Variants in USP9X observed in about 807,000 individuals in gnomAD.
USP9X encodes ubiquitin specific peptidase 9 X-linked.
Under a neutral mutation model 190.3 loss-of-function variants are expected in USP9X, and 7 were observed. The ratio of observed to expected loss-of-function variants is 0.04; its 90% CI spans 0.02 to 0.07. USP9X has a LOEUF of 0.07. USP9X is among the 10% of genes least tolerant of loss of function. USP9X has a pLI of 1.00. For synonymous variants in USP9X, 645 were observed against 659.5 expected (o/e 0.98, Z 0.34); for missense variants, 1,010 against 1,916.9 (o/e 0.53, Z 8.83).
intron 2 of USP9X, 64 bp downstream of exon 2, chrX:41,123,788 A>T (rs2062210982): frequency 9.5e-7 from 1 of 1,057,098 alleles, no homozygotes; most frequent in African/African-American, 1.9e-5. Context: ...CACATCTGTA[A>T]TCGCAGCACT....
chrX:41,210,396 T>A, intron 32 of USP9X, 113 bp from the exon 33 acceptor site: 1 of 792,112 alleles, frequency 1.3e-6, no homozygotes, highest in Non-Finnish European at 1.8e-6. Flanking sequence ...AAATCTCGGT[T>A]TTATATACTG....
At chrX:41,173,518 T>C (rs2062746489) in intron 21 of USP9X, among the ~76,000 whole-genome samples, 1 of 111,646 alleles carries the variant, frequency 9.0e-6, no homozygotes, top group South Asian at 3.7e-4. Context: ...TACTGGTTTT[T>C]GTAGTCCCAT....
chrX:41,130,574 C>T (rs1236715235), intron 3 of USP9X, among the ~76,000 whole-genome samples: 4 of 105,197 alleles, frequency 3.8e-5, no homozygotes, highest in East Asian at 3.0e-4. Flanking sequence ...CTGCAACCTT[C>T]GCCTCCTGGG....
chrX:41,128,637 G>T (rs1481144884), intron 2 of USP9X, among the ~76,000 whole-genome samples: 1 of 111,851 alleles, frequency 8.9e-6, no homozygotes, highest in Non-Finnish European at 1.9e-5. Context: ...TCAAGTCCCT[G>T]ATATAAAATG....
At chrX:41,157,499 T>G (rs2062589631) in intron 14 of USP9X, among the ~76,000 whole-genome samples, 1 of 110,680 alleles carries the variant, frequency 9.0e-6, no homozygotes, top group African/African-American at 3.3e-5. Flanking sequence ...GAGGAAAACA[T>G]GGGGGCAGAG....
At chrX:41,137,375 C>T (rs1320009549) in intron 6 of USP9X, among the ~76,000 whole-genome samples, 1 of 110,896 alleles carries the variant, frequency 9.0e-6, no homozygotes, top group African/African-American at 3.3e-5. Context: ...ATTTTGACTC[C>T]AAAATCAAGT....
At chrX:41,098,024 G>A (rs925233172) in intron 1 of USP9X, among the ~76,000 whole-genome samples, 3 of 111,126 alleles carry the variant, frequency 2.7e-5, no homozygotes, top group Non-Finnish European at 5.7e-5. Flanking sequence ...TAAATTTTTA[G>A]AAAATATATA....
chrX:41,223,586 C>T (rs1228870008), intron 39 of USP9X, among the ~76,000 whole-genome samples, 184 bp downstream of exon 39: 1 of 110,914 alleles, frequency 9.0e-6, no homozygotes, highest in East Asian at 2.8e-4. Flanking sequence ...TACAGGTGCC[C>T]ACCACCACGC....
intron 44 of USP9X, among the ~76,000 whole-genome samples, chrX:41,231,206 G>GT (rs2063356682): frequency 9.0e-6 from 1 of 111,086 alleles, no homozygotes; most frequent in Non-Finnish European, 1.9e-5. Context: ...CCCTGGAAGG[G>GT]TTGCTCCAGC....
intron 26 of USP9X, among the ~76,000 whole-genome samples, chrX:41,194,410 C>T (rs1297049260): frequency 2.7e-5 from 3 of 110,960 alleles, no homozygotes; most frequent in Non-Finnish European, 5.7e-5. Context: ...CAAAATTAGC[C>T]AGGTGTGGTG....
chrX:41,127,317 TGAATG>T (rs1215977125), intron 2 of USP9X, among the ~76,000 whole-genome samples: 3 of 111,824 alleles, frequency 2.7e-5, no homozygotes, highest in African/African-American at 9.7e-5. Context: ...CTAGATATAT[TGAATG>T]GAAAAGGACA....
At chrX:41,170,654 G>C in intron 20 of USP9X, 35 bp downstream of exon 20, 3 of 1,175,151 alleles carry the variant, frequency 2.6e-6, no homozygotes, top group Middle Eastern at 2.3e-4. Context: ...CTGTATGTAA[G>C]GCATCATGCT....
intron 1 of USP9X, among the ~76,000 whole-genome samples, chrX:41,122,133 G>A (rs1451985044): frequency 3.6e-5 from 4 of 110,383 alleles, no homozygotes; most frequent in Admixed American, 9.6e-5. Flanking sequence ...GGTGGAGAGA[G>A]CGGGGATCTT....
chrX:41,104,266 A>G (rs1255929169), intron 1 of USP9X, among the ~76,000 whole-genome samples: 1 of 111,692 alleles, frequency 9.0e-6, no homozygotes, highest in Non-Finnish European at 1.9e-5. Context: ...GGATTTTGCC[A>G]TATTGCCCAG....
Position 41,189,554 on chromosome X carries a change from C to T in USP9X, c.3977+79C>T. ...AATTTAGGCTGGCAAAATGTGTCCCCAAAATTAAATATTTATTGTCTCTAT... is the reference window on the plus strand; with the variant it reads ...AATTTAGGCTGGCAAAATGTGTCCCTAAAATTAAATATTTATTGTCTCTAT... On this transcript the variant is annotated intron_variant, in intron 26 of 44. Transcript: ENST00000378308. The T allele has an allele frequency of 3.3e-6, 3 of 917,776 alleles. No homozygotes were observed. The South Asian group carries it at 8.5e-5, about 26-fold the overall frequency. The allele number at this position is 917,776 out of a possible 1,213,427, so 75.6% of individuals were successfully genotyped here.
rs750024653 is a variant in USP9X, at chrX:41,188,066, G to A, written c.3759G>A (p.Ser1253=). 1.2e-5 allele frequency: 15 copies of A among 1,208,927 alleles called. No individual in the cohort carries two copies. The highest frequency in any genetic ancestry group is 4.4e-5 in the Admixed American group (2 of 45,915). ...QKIIWASGCG[S]LQLVFSPNEE... is the part of the protein sequence containing the mutation. ...TTATCTGGGCATCAGGATGTGGGTC[G>A]TTACAGCTAGTATTTAGCCCAAATG... Residue 1253 remains serine (S), a synonymous_variant, in exon 25 of 45, where the codon TCG becomes TCA. Coordinates refer to ENST00000378308, the MANE Select transcript of USP9X (RefSeq NM_001039591.3).
At chrX:41,138,708 A>G (rs2062397358) in intron 6 of USP9X, among the ~76,000 whole-genome samples, 1 of 112,685 alleles carries the variant, frequency 8.9e-6, no homozygotes, top group Non-Finnish European at 1.9e-5. Flanking sequence ...ATGTTTGAAG[A>G]TGTTTAAATG....
chrX:41,204,110 C>T (rs995286312), intron 31 of USP9X, among the ~76,000 whole-genome samples: 2 of 112,114 alleles, frequency 1.8e-5, no homozygotes, highest in African/African-American at 3.2e-5. Flanking sequence ...TATACTCACT[C>T]GTTCTGGTAG....
chrX:41,092,304 G>T (rs1226440561), intron 1 of USP9X, among the ~76,000 whole-genome samples: 1 of 111,713 alleles, frequency 9.0e-6, no homozygotes, highest in Non-Finnish European at 1.9e-5. Flanking sequence ...AGAGTTATAA[G>T]TTGAGGCTGT....
Sources: gnomAD v4.1 joint callset for allele counts (sites outside exome capture counted in the v4.1 genomes callset) on GRCh38, gnomAD v4.1.1 for gene constraint, MANE v1.5 for transcripts, NCBI Gene and HGNC (gene_info 2026-07-23, HGNC 2026-07-21) for gene names.